AFAP1: variants seen among roughly 807,000 people sequenced by gnomAD.
AFAP1 encodes the protein actin filament associated protein 1.
Under a neutral mutation model 93.9 loss-of-function variants are expected in AFAP1, and 75 were observed. That is an observed-to-expected ratio of 0.80 (90% CI 0.66 to 0.97). AFAP1 has a LOEUF of 0.97. AFAP1 is among the 50% of genes least tolerant of loss of function. The probability of loss-of-function intolerance (pLI) is 0.00; values close to 1 mark genes in which losing one functional copy is unlikely to be tolerated. For missense variants in AFAP1, 1,201 were observed against 1,050.8 expected (o/e 1.14, Z -1.98); for synonymous variants, 517 against 430.7 (o/e 1.20, Z -2.48).
intron 1 of AFAP1, among the ~76,000 whole-genome samples, chr4:7,880,577 C>A (rs892531211): frequency 6.6e-6 from 1 of 152,214 alleles, no homozygotes; most frequent in African/African-American, 2.4e-5. Flanking sequence ...CGCACCCGGC[C>A]CAAATGCCTT....
intron 3 of AFAP1, among the ~76,000 whole-genome samples, chr4:7,857,906 C>A (rs1471802906): frequency 2.6e-5 from 4 of 152,120 alleles, no homozygotes; most frequent in Admixed American, 2.6e-4. Flanking sequence ...TATTGGTGGT[C>A]ATGTACTTGG....
chr4:7,859,123 G>T (rs572176955), intron 3 of AFAP1, among the ~76,000 whole-genome samples: 3 of 152,138 alleles, frequency 2.0e-5, no homozygotes, highest in Non-Finnish European at 2.9e-5. Context: ...ACAAGCTAAG[G>T]CAACAAGGGT....
At chr4:7,933,523 T>A (rs149744549) in intron 1 of AFAP1, among the ~76,000 whole-genome samples, 3,764 of 151,802 alleles carry the variant, frequency 0.025, 148 homozygotes, top group African/African-American at 0.084. Context: ...CAGTGAGCTG[T>A]GATCACACCA....
chr4:7,849,081 G>A (rs1714136281), intron 4 of AFAP1, among the ~76,000 whole-genome samples: 1 of 152,112 alleles, frequency 6.6e-6, no homozygotes, highest in African/African-American at 2.4e-5. Flanking sequence ...AGGAACCACA[G>A]ACAAAGGTTA....
At chr4:7,826,625 C>CA (rs1721445087) in intron 6 of AFAP1, among the ~76,000 whole-genome samples, 1 of 152,364 alleles carries the variant, frequency 6.6e-6, no homozygotes, top group South Asian at 2.1e-4. Flanking sequence ...ATTTTCACCA[C>CA]GGGTCTTGGG....
intron 3 of AFAP1, among the ~76,000 whole-genome samples, chr4:7,856,658 T>C (rs1257887761): frequency 6.6e-6 from 1 of 152,220 alleles, no homozygotes; most frequent in Non-Finnish European, 1.5e-5. Context: ...ACGTCCCACC[T>C]GGCCTTCAGG....
chr4:7,867,694 A>G lies in AFAP1; in HGVS notation c.225+928T>C, dbSNP rs576646855. Among the ~76,000 whole-genome samples the G allele has an allele frequency of 2.6e-5, 4 of 152,276 alleles. No homozygotes were observed. In the South Asian group the frequency reaches 8.3e-4, roughly 32 times the overall value. ...TGGGTGTACGTACACTTCCCCTGAT[A>G]AGAAGCGTTAGGGGTTCTTTGAGGC... On this transcript the variant is annotated intron_variant, in intron 3 of 17. Coordinates refer to ENST00000420658, the MANE Select transcript of AFAP1 (RefSeq NM_001134647.2).
intron 3 of AFAP1, among the ~76,000 whole-genome samples, chr4:7,858,620 A>G (rs1369631256): frequency 3.3e-5 from 5 of 152,166 alleles, no homozygotes; most frequent in African/African-American, 1.2e-4. Context: ...TAGGTTTCCA[A>G]TAGGGGCCAC....
rs115754845 is a variant in AFAP1 at position 7,908,269 on chromosome 4, A to G, written c.-3+31387T>C. ...AACATGGAGCCCAAGTTCCCAGAACACAAGCCCTGCTCTATGCTCCAAGGG... is the reference window on the plus strand; with the variant it reads ...AACATGGAGCCCAAGTTCCCAGAACGCAAGCCCTGCTCTATGCTCCAAGGG... On this transcript the variant is annotated intron_variant, in intron 1 of 17. Transcript: ENST00000420658. 6.8e-3 allele frequency among the ~76,000 whole-genome samples: 1,041 copies of G among 152,310 alleles called. 8 individuals are homozygous for G. The highest frequency in any genetic ancestry group is 0.022 in the African/African-American group (930 of 41,556).
intron 1 of AFAP1, among the ~76,000 whole-genome samples, chr4:7,931,667 G>GCC (rs1310086992): frequency 6.6e-6 from 1 of 151,762 alleles, no homozygotes; most frequent in Non-Finnish European, 1.5e-5. Flanking sequence ...ACGGGTGTGA[G>GCC]CCACCACACC....
chr4:7,898,657 GAA>G (rs66560687), intron 1 of AFAP1, among the ~76,000 whole-genome samples: 9,197 of 135,600 alleles, frequency 0.068, 318 homozygotes, highest in Non-Finnish European at 0.078. Context: ...AGAAAAAGAA[GAA>G]AAAAAAAAAA....
intron 3 of AFAP1, among the ~76,000 whole-genome samples, chr4:7,861,641 CAGGCAGGCATCCAGATGGAAGGCG>C (rs1284878563): frequency 1.3e-5 from 2 of 152,212 alleles, no homozygotes; most frequent in Non-Finnish European, 2.9e-5. Context: ...TTTCCATCAG[CAGGCAGGCATCCAGATGGAAGGCG>C]AGGCAGCCCA....
chr4:7,926,355 A>C (rs897745806), intron 1 of AFAP1, among the ~76,000 whole-genome samples: 1 of 152,218 alleles, frequency 6.6e-6, no homozygotes, highest in East Asian at 1.9e-4. Context: ...TATCAGCAGT[A>C]AAAGTGGAAA....
chr4:7,765,272 C>G (rs1461564280), intron 17 of AFAP1, among the ~76,000 whole-genome samples: 9 of 152,186 alleles, frequency 5.9e-5, no homozygotes, highest in African/African-American at 1.9e-4. Flanking sequence ...CTGCTTCTCT[C>G]TACACACACC....
At chr4:7,938,164 C>G (rs185379188) in intron 1 of AFAP1, among the ~76,000 whole-genome samples, 149 of 151,790 alleles carry the variant, frequency 9.8e-4, no homozygotes, top group African/African-American at 3.5e-3. Flanking sequence ...GGAGGTGCGG[C>G]GTAGAGTGGG....
chr4:7,795,399 CAAAAT>C (rs1384418304), intron 10 of AFAP1, among the ~76,000 whole-genome samples: 1 of 118,496 alleles, frequency 8.4e-6, no homozygotes, highest in Non-Finnish European at 1.8e-5. Flanking sequence ...CTTCCTAAAA[CAAAAT>C]CTTTTTTTTT....
chr4:7,830,849 T>A (rs1711535016), intron 6 of AFAP1, among the ~76,000 whole-genome samples: 1 of 152,110 alleles, frequency 6.6e-6, no homozygotes, highest in South Asian at 2.1e-4. Flanking sequence ...CCTCAAGTGA[T>A]CCTCCCGCCT....
rs532498378 is a variant in AFAP1 at position 7,882,189 on chromosome 4, G to A, written c.-2-10109C>T. 1.8e-3 allele frequency among the ~76,000 whole-genome samples: 270 copies of A among 151,616 alleles called. 7 individuals are homozygous for A. Among genetic ancestry groups the A allele is most frequent in the Non-Finnish European group, 1.3e-3 (87 of 67,814 alleles). ...CCTCTGTGCAACTCTATGCAGATAC[G>A]CTTGAAACTAGGTTAAATAGATAAT... On this transcript the variant is annotated intron_variant, in intron 1 of 17. Transcript: ENST00000420658.
intron 1 of AFAP1, among the ~76,000 whole-genome samples, chr4:7,916,115 A>G (rs921619837): frequency 1.5e-4 from 23 of 152,136 alleles, no homozygotes; most frequent in East Asian, 7.7e-4. Context: ...AGATACCAGG[A>G]GCACCTTGAA....
Sources: allele counts gnomAD v4.1 joint callset (sites outside exome capture counted in the v4.1 genomes callset), GRCh38; gene constraint gnomAD v4.1.1; transcripts MANE v1.5; gene names NCBI Gene and HGNC (gene_info 2026-07-23, HGNC 2026-07-21).